PKP4: variants seen among roughly 807,000 people sequenced by gnomAD.
PKP4 encodes plakophilin 4.
A neutral mutation model predicts 145.1 loss-of-function variants in PKP4; 90 were observed. The observed-to-expected ratio is 0.62, with a 90% CI of 0.52 to 0.74. PKP4 has a LOEUF of 0.74. PKP4 is among the 30% of genes least tolerant of loss of function. The pLI, the probability that PKP4 is intolerant of heterozygous loss-of-function variation, is 0.00. For synonymous variants in PKP4, 563 were observed against 577.2 expected (o/e 0.98, Z 0.35); for missense variants, 1,340 against 1,482.7 (o/e 0.90, Z 1.58).
At chr2:158,474,716 C>A (rs1692176067) in intron 1 of PKP4, among the ~76,000 whole-genome samples, 2 of 151,968 alleles carry the variant, frequency 1.3e-5, no homozygotes, top group Admixed American at 1.3e-4. Context: ...GAGGAGGATC[C>A]AGGCAGGATT....
chr2:158,652,955 C>T (rs1370807294), intron 11 of PKP4, among the ~76,000 whole-genome samples: 2 of 152,260 alleles, frequency 1.3e-5, no homozygotes, highest in South Asian at 2.1e-4. Flanking sequence ...TGAAAGAGCA[C>T]GACTAAAACC....
At chr2:158,537,694 A>G (rs1445712769) in intron 2 of PKP4, among the ~76,000 whole-genome samples, 2 of 152,162 alleles carry the variant, frequency 1.3e-5, no homozygotes, top group African/African-American at 4.8e-5. Context: ...CAAACTTGAT[A>G]CTGGTTAGTG....
chr2:158,557,931 C>T (rs1442903237), intron 2 of PKP4, among the ~76,000 whole-genome samples: 3 of 152,142 alleles, frequency 2.0e-5, no homozygotes, highest in African/African-American at 7.2e-5. Flanking sequence ...CAAGAAGAGA[C>T]CCATTAGATA....
At chr2:158,620,964 A>G (rs973928349) in intron 4 of PKP4, 26 bp from the exon 5 acceptor site, 14 of 1,604,258 alleles carry the variant, frequency 8.7e-6, no homozygotes, top group Middle Eastern at 1.7e-4. Flanking sequence ...TATTATATTT[A>G]GCTGATTAAA....
chr2:158,642,878 G>C (rs976215310), intron 11 of PKP4, among the ~76,000 whole-genome samples, 179 bp downstream of exon 11: 5 of 152,166 alleles, frequency 3.3e-5, no homozygotes, highest in African/African-American at 1.2e-4. Context: ...AAACCGTTTA[G>C]AATGCAGTCA....
chr2:158,516,239 G>T (rs571796217), intron 1 of PKP4, among the ~76,000 whole-genome samples: 1 of 152,142 alleles, frequency 6.6e-6, no homozygotes, highest in East Asian at 1.9e-4. Context: ...GATTTCTTTG[G>T]TCTGGGGCAG....
In PKP4 at chr2:158,562,005, C is replaced by T. The variant is rs538192913; in HGVS notation, c.133-15266C>T. Among the ~76,000 whole-genome samples, 199 of 144,010 alleles carry T rather than the reference C, an allele frequency of 1.4e-3. 1 individual carries two copies. The highest frequency in any genetic ancestry group is 4.8e-3 in the African/African-American group (188 of 38,866). The allele number at this position is 144,010 out of a possible 152,430, so 94.5% of individuals were successfully genotyped here. On this transcript the variant is annotated intron_variant, in intron 2 of 21. Coordinates refer to ENST00000389759, the MANE Select transcript of PKP4 (RefSeq NM_003628.6). ...CAAGTGTTCTCATAATCAAGTCAGT[C>T]GTTTAAATTACAGAAGAAAAAGTCA...
chr2:158,463,598 T>A (rs893801286), intron 1 of PKP4, among the ~76,000 whole-genome samples: 12 of 151,944 alleles, frequency 7.9e-5, no homozygotes, highest in African/African-American at 2.9e-4. Flanking sequence ...CATGAGCACA[T>A]CATGTAACTC....
intron 17 of PKP4, among the ~76,000 whole-genome samples, chr2:158,672,358 A>C (rs1277618903): frequency 6.6e-6 from 1 of 152,208 alleles, no homozygotes. Flanking sequence ...TGCTCATGGA[A>C]TTTGTGTCTG....
chr2:158,661,553 C>T, intron 13 of PKP4, 103 bp downstream of exon 13: 2 of 760,232 alleles, frequency 2.6e-6, no homozygotes, highest in African/African-American at 1.7e-5. Context: ...CGGATCCTGT[C>T]CTCCTCAGGA....
intron 3 of PKP4, among the ~76,000 whole-genome samples, chr2:158,598,104 G>A (rs970579121): frequency 3.9e-5 from 6 of 152,170 alleles, no homozygotes; most frequent in Admixed American, 1.3e-4. Flanking sequence ...GATTATAGGC[G>A]TGAGCCGCTG....
chr2:158,603,565 A>C (rs1004393946), intron 4 of PKP4, among the ~76,000 whole-genome samples: 5 of 152,016 alleles, frequency 3.3e-5, no homozygotes, highest in African/African-American at 1.2e-4. Flanking sequence ...TAGTCTCTCT[A>C]TCTTTTCTTT....
intron 1 of PKP4, among the ~76,000 whole-genome samples, chr2:158,500,038 T>C (rs1331977957): frequency 6.6e-6 from 1 of 152,240 alleles, no homozygotes; most frequent in East Asian, 1.9e-4. Flanking sequence ...ATGAAAGTCA[T>C]CCTCAATACA....
At chr2:158,646,810 G>A (rs368730561) in intron 11 of PKP4, among the ~76,000 whole-genome samples, 2 of 152,146 alleles carry the variant, frequency 1.3e-5, no homozygotes, top group East Asian at 1.9e-4. Context: ...ATACAAAGTA[G>A]CCGCCATCAC....
rs1695645914 is a variant in PKP4 at position 158,495,931 on chromosome 2, T to C, written c.-5-37249T>C. 2.0e-5 allele frequency among the ~76,000 whole-genome samples: 3 copies of C among 152,134 alleles called. No individual in the cohort carries two copies. The South Asian group carries it at 6.2e-4, about 32-fold the overall frequency. Reference sequence around the variant, plus strand: ...AACCTTTCATTATGGTAAATCAATATCAGTTTTAACATATATTTTCTTTTT... The same window carrying C: ...AACCTTTCATTATGGTAAATCAATACCAGTTTTAACATATATTTTCTTTTT... On this transcript the variant is annotated intron_variant, in intron 1 of 21. Transcript: ENST00000389759.
intron 1 of PKP4, among the ~76,000 whole-genome samples, chr2:158,470,237 TC>T (rs1691337228): frequency 1.3e-5 from 2 of 152,234 alleles, no homozygotes; most frequent in Non-Finnish European, 2.9e-5. Context: ...ACCTTAGTTA[TC>T]CCCTTCTCTT....
chr2:158,495,157 G>A (rs78795352), intron 1 of PKP4, among the ~76,000 whole-genome samples: 4,635 of 152,052 alleles, frequency 0.03, 156 homozygotes, highest in East Asian at 0.14. Context: ...GGCGGAGGTT[G>A]CAGTGAGCCG....
chr2:158,634,183 C>T lies in PKP4; in HGVS notation c.1456C>T (p.Gln486Ter). 5 of 1,614,016 alleles carry T rather than the reference C, an allele frequency of 3.1e-6. No individual in the cohort carries two copies. Among genetic ancestry groups the T allele is most frequent in the East Asian group, 2.2e-5 (1 of 44,874 alleles). ...ATYAEPYRPI[Q>*]YRVQECNYNR... ...CTACGCGGAGCCCTACAGGCCTATACAATACCGAGTGCAAGAGTGCAATTA... is the reference window on the plus strand; with the variant it reads ...CTACGCGGAGCCCTACAGGCCTATATAATACCGAGTGCAAGAGTGCAATTA... The change falls in exon 9 of 22, where the codon CAA becomes TAA. Residue 486 changes from glutamine to a stop codon, truncating the protein, a stop_gained. Transcript: ENST00000389759. LOFTEE classifies it high-confidence loss of function.
chr2:158,674,372 G>C (rs959557636), intron 19 of PKP4, among the ~76,000 whole-genome samples: 1 of 152,202 alleles, frequency 6.6e-6, no homozygotes, highest in Non-Finnish European at 1.5e-5. Context: ...CTGTATGCCA[G>C]CTGGCCATAA....
Sources: gnomAD v4.1 joint callset for allele counts (sites outside exome capture counted in the v4.1 genomes callset) on GRCh38, gnomAD v4.1.1 for gene constraint, MANE v1.5 for transcripts, NCBI Gene and HGNC (gene_info 2026-07-23, HGNC 2026-07-21) for gene names.